Variants in SLC12A7 observed in about 807,000 individuals in gnomAD.
The protein encoded by SLC12A7 is K-Cl cotransporter 4.
Under a neutral mutation model 120.6 loss-of-function variants are expected in SLC12A7, and 100 were observed. The observed-to-expected ratio is 0.83, with a 90% confidence interval of 0.71 to 0.98. SLC12A7 has a LOEUF of 0.98. Among genes scored for constraint, SLC12A7 ranks in the 50% least tolerant of loss-of-function variants. The pLI, the probability that SLC12A7 is intolerant of heterozygous loss-of-function variation, is 0.00. For missense variants in SLC12A7, 1,373 were observed against 1,548.1 expected (o/e 0.89, Z 1.90); for synonymous variants, 760 against 678.0 (o/e 1.12, Z -1.88).
chr5:1,076,757 A>G lies in SLC12A7; in HGVS notation c.1685T>C (p.Val562Ala), dbSNP rs774619814. Residue 562 changes from valine (V) to alanine (A), a missense_variant, in exon 13 of 24, where the codon GTC (valine) becomes GCC (alanine). Transcript: ENST00000264930. ...GEPTWALLLT[V>A]LICETGILIA... Reference sequence around the variant, plus strand: ...GAGGATGCCAGTCTCGCAGATGAGGACTGTCAGCAGCAGCGCCCACGTGGG... The same window carrying G: ...GAGGATGCCAGTCTCGCAGATGAGGGCTGTCAGCAGCAGCGCCCACGTGGG... 1 of 1,611,586 alleles carries G rather than the reference A, an allele frequency of 6.2e-7. No individual in the cohort carries two copies. The highest frequency in any genetic ancestry group is 1.1e-5 in the South Asian group (1 of 91,074).
intron 5 of SLC12A7, among the ~76,000 whole-genome samples, chr5:1,087,654 C>T (rs939381925): frequency 3.3e-5 from 5 of 152,242 alleles, no homozygotes; most frequent in Admixed American, 2.0e-4. Context: ...GAGCACCAAG[C>T]GATGCCCCCG....
intron 6 of SLC12A7, 145 bp downstream of exon 6, chr5:1,086,758 A>T: frequency 9.1e-7 from 1 of 1,100,882 alleles, no homozygotes; most frequent in African/African-American, 1.6e-5. Context: ...CCATGGCCAG[A>T]GCCCAGGAGA....
chr5:1,097,187 C>T (rs1741350591), intron 1 of SLC12A7, among the ~76,000 whole-genome samples: 1 of 152,198 alleles, frequency 6.6e-6, no homozygotes, highest in African/African-American at 2.4e-5. Flanking sequence ...CTGCGTTCAG[C>T]AAGCAACCAC....
At chr5:1,135,973 G>T in the SLC12A7 span, among the ~76,000 whole-genome samples, 3 of 152,202 alleles carry the variant, frequency 2.0e-5, no homozygotes, top group Admixed American at 6.5e-5. Flanking sequence ...GCCCTGCGGG[G>T]TGCAGGGGTA....
chr5:1,096,607 C>G (rs1445422258), intron 1 of SLC12A7, among the ~76,000 whole-genome samples: 1 of 146,604 alleles, frequency 6.8e-6, no homozygotes, highest in African/African-American at 2.6e-5. Flanking sequence ...GCGACACTTT[C>G]TGGAGTCAAT....
intron 21 of SLC12A7, 87 bp downstream of exon 21, chr5:1,060,257 G>A: frequency 3.0e-6 from 3 of 997,732 alleles, no homozygotes; most frequent in Non-Finnish European, 3.2e-6. Flanking sequence ...GACCCTCGTG[G>A]GCTGCAGGAG....
At chr5:1,088,049 A>G (rs1740081631) in intron 5 of SLC12A7, among the ~76,000 whole-genome samples, 1 of 152,120 alleles carries the variant, frequency 6.6e-6, no homozygotes, top group Non-Finnish European at 1.5e-5. Flanking sequence ...CCCCCTCCCC[A>G]GCCCGCTGCC....
chr5:1,066,136 TGGAAC>T, intron 17 of SLC12A7, among the ~76,000 whole-genome samples: 1 of 152,162 alleles, frequency 6.6e-6, no homozygotes, highest in Non-Finnish European at 1.5e-5. Flanking sequence ...CTTCAGGCCC[TGGAAC>T]CCCAGGGCCT....
intron 6 of SLC12A7, 37 bp downstream of exon 6, chr5:1,086,866 C>T (rs1346855813): frequency 1.9e-6 from 3 of 1,605,360 alleles, no homozygotes; most frequent in Admixed American, 1.7e-5. Flanking sequence ...CTGCCACAGA[C>T]TGTGGGGTGG....
the SLC12A7 span, among the ~76,000 whole-genome samples, chr5:1,142,560 CTCTG>C: frequency 5.4e-5 from 7 of 129,648 alleles, no homozygotes; most frequent in Non-Finnish European, 9.6e-5. Flanking sequence ...GTGTCTCTCT[CTCTG>C]TCTCTCTTTC....
intron 1 of SLC12A7, among the ~76,000 whole-genome samples, chr5:1,106,219 G>T (rs565080869): frequency 2.6e-5 from 4 of 152,244 alleles, no homozygotes; most frequent in Admixed American, 2.0e-4. Flanking sequence ...CCGGGAGGCC[G>T]AAGTGGGCAG....
intron 1 of SLC12A7, among the ~76,000 whole-genome samples, chr5:1,108,376 G>A (rs1322945614): frequency 3.3e-5 from 5 of 152,214 alleles, no homozygotes; most frequent in African/African-American, 9.6e-5. Flanking sequence ...AAGGGAACTC[G>A]ATACACAAAA....
At position 1,083,936 on chromosome 5, in the gene SLC12A7, C is replaced by T. The variant is rs374815673; in HGVS notation, c.938G>A (p.Arg313His). Residue 313 changes from arginine (R) to histidine (H), a missense_variant, in exon 8 of 24, where the codon CGC becomes CAC. Coordinates refer to ENST00000264930, the MANE Select transcript of SLC12A7 (RefSeq NM_006598.3). ...PDIPVCLLGN[R>H]TLSRRSFDAC... The stretch of plus-strand genomic sequence containing the variant: ...ATCGAAGCTGCGCCGTGACAGCGTG[C>T]GGTTCCCCAGGAGGCAGACCCTGGG... 1.4e-5 allele frequency: 22 copies of T among 1,603,426 alleles called. No individual in the cohort carries two copies. The highest frequency in any genetic ancestry group is 1.7e-5 in the Non-Finnish European group (20 of 1,179,702).
At chr5:1,057,726 G>T in intron 21 of SLC12A7, 77 bp from the exon 22 acceptor site, 2 of 1,397,696 alleles carry the variant, frequency 1.4e-6, no homozygotes, top group Non-Finnish European at 1.9e-6. Flanking sequence ...ATGCCAGGCC[G>T]GAGGTGAGGG....
At chr5:1,129,417 A>G in the SLC12A7 span, among the ~76,000 whole-genome samples, 9 of 152,254 alleles carry the variant, frequency 5.9e-5, no homozygotes, top group South Asian at 1.2e-3. Context: ...CGAGCATCCC[A>G]GGCCCACAAG....
At chr5:1,132,724 G>A in the SLC12A7 span, among the ~76,000 whole-genome samples, 5 of 152,140 alleles carry the variant, frequency 3.3e-5, no homozygotes. Flanking sequence ...CCCCTCCTAA[G>A]AGGCGTGTGC....
At chr5:1,149,929 C>T in the SLC12A7 span, among the ~76,000 whole-genome samples, 1 of 152,108 alleles carries the variant, frequency 6.6e-6, no homozygotes, top group African/African-American at 2.4e-5. Flanking sequence ...ACTCGGGAGG[C>T]TGAGGCAGGA....
chr5:1,095,937 CAGAG>C (rs1741090228), intron 1 of SLC12A7, among the ~76,000 whole-genome samples: 2 of 152,358 alleles, frequency 1.3e-5, no homozygotes, highest in South Asian at 4.1e-4. Flanking sequence ...GGGCACACCA[CAGAG>C]AGGCCAGTGC....
At chr5:1,108,740 C>T (rs984479774) in intron 1 of SLC12A7, among the ~76,000 whole-genome samples, 64 of 152,358 alleles carry the variant, frequency 4.2e-4, no homozygotes, top group African/African-American at 1.3e-3. Context: ...AGCATGGCAC[C>T]CAGCACCCGA....
Sources: allele counts gnomAD v4.1 joint callset (sites outside exome capture counted in the v4.1 genomes callset), GRCh38; gene constraint gnomAD v4.1.1; transcripts MANE v1.5; gene names NCBI Gene and HGNC (gene_info 2026-07-23, HGNC 2026-07-21).